CSF2RA: variants seen among roughly 807,000 people sequenced by gnomAD.
CSF2RA encodes colony stimulating factor 2 receptor subunit alpha.
A neutral mutation model predicts 51.6 loss-of-function variants in CSF2RA; 42 were observed. That is an observed-to-expected ratio of 0.81 (90% CI 0.64 to 1.05). CSF2RA has a LOEUF of 1.05. CSF2RA is among the 50% of genes least tolerant of loss of function. The pLI is 0.00. For synonymous variants in CSF2RA, 222 were observed against 193.0 expected (o/e 1.15, Z -1.24); for missense variants, 530 against 501.1 (o/e 1.06, Z -0.55).
chrX:1,298,926 C>G (rs1231952834), intron 9 of CSF2RA, among the ~76,000 whole-genome samples: 30 of 152,024 alleles, frequency 2.0e-4, no homozygotes, highest in African/African-American at 9.7e-5. Flanking sequence ...GCCCGACATA[C>G]AGTTGAACCA....
chrX:1,315,547 G>C, the CSF2RA span, among the ~76,000 whole-genome samples: 1 of 152,000 alleles, frequency 6.6e-6, no homozygotes, highest in African/African-American at 2.4e-5. Context: ...GAGATTACAC[G>C]TGTGCACCAC....
chrX:1,309,284 C>A, intron 12 of CSF2RA, 118 bp from the exon 13 acceptor site: 4 of 1,090,108 alleles, frequency 3.7e-6, no homozygotes, highest in South Asian at 2.6e-5. Context: ...CACTGCACTC[C>A]AGCCTGGGCA....
chrX:1,288,857 G>A lies in CSF2RA; in HGVS notation c.442G>A (p.Val148Ile), dbSNP rs201377602. 26 of 1,613,806 alleles carry A rather than the reference G, an allele frequency of 1.6e-5. No homozygotes were observed. Among genetic ancestry groups the A allele is most frequent in the African/African-American group, 9.3e-5 (7 of 75,014 alleles). Residue 148 changes from valine (V) to isoleucine (I), a missense_variant, in exon 6 of 13, where the codon GTC becomes ATC. Transcript: ENST00000381529. ...GAGGGGTCCGACGGCCCCCCGTGAC[G>A]TCCAGTATTTTTTGTACATACGAAA... ...WARGPTAPRD[V>I]QYFLYIRNSK...
At chrX:1,269,176 G>C (rs1456029948) in intron 1 of CSF2RA, among the ~76,000 whole-genome samples, 1 of 152,140 alleles carries the variant, frequency 6.6e-6, no homozygotes, top group Non-Finnish European at 1.5e-5. Flanking sequence ...CTGTGAAGCT[G>C]TTTGCTGGGA....
rs757001307 is a variant in CSF2RA at position 1,309,339 on chromosome X, A to G, written c.1126-63A>G. 808 of 1,491,290 alleles carry G rather than the reference A, an allele frequency of 5.4e-4. 3 individuals carry two copies. Among genetic ancestry groups the G allele is most frequent in the Non-Finnish European group, 6.9e-4 (734 of 1,068,404 alleles). The allele number at this position is 1,491,290 out of a possible 1,614,324, so 92.4% of individuals were successfully genotyped here. A position where few individuals can be genotyped will look rare whatever the true frequency, so the allele number is the denominator to read the frequency against. ...CGAGGGAGAAAAAGAAAATAAACAC[A>G]GCCCACTGAGTCCCAGGCTGAGCTC... On this transcript the variant is annotated intron_variant, in intron 12 of 12. Transcript: ENST00000381529.
the CSF2RA span, among the ~76,000 whole-genome samples, chrX:1,323,239 A>C: frequency 8.0e-5 from 12 of 150,860 alleles, no homozygotes; most frequent in South Asian, 1.9e-3. Flanking sequence ...ATGAACCGGG[A>C]GCGGTGGCTC....
At chrX:1,305,773 G>T in intron 12 of CSF2RA, 1 of 1,551,244 alleles carries the variant, frequency 6.4e-7, no homozygotes, top group Non-Finnish European at 8.7e-7. Flanking sequence ...TGGTGGTCAA[G>T]AAAAGGAGGA....
intron 7 of CSF2RA, among the ~76,000 whole-genome samples, chrX:1,291,304 TCCC>T (rs2091375258): frequency 7.8e-6 from 1 of 127,918 alleles, no homozygotes; most frequent in Non-Finnish European, 1.7e-5. Flanking sequence ...CTTCCTTCCC[TCCC>T]TCCCTCCTTT....
chrX:1,280,925 CCTTCTCCTCCTCCTCCTCCTG>C (rs2089879386), intron 2 of CSF2RA, among the ~76,000 whole-genome samples: 7 of 125,078 alleles, frequency 5.6e-5, no homozygotes, highest in Non-Finnish European at 6.8e-5. Context: ...TCCTCCTCCT[CCTTCTCCTCCTCCTCCTCCTG>C]CTTCTCCTCC....
At chrX:1,281,258 T>C (rs1195359409) in intron 2 of CSF2RA, among the ~76,000 whole-genome samples, 17 of 99,686 alleles carry the variant, frequency 1.7e-4, no homozygotes, top group South Asian at 4.0e-4. Context: ...TCTTCCTTCT[T>C]CTCCTCCTCC....
chrX:1,323,782 AGG>A, the CSF2RA span, among the ~76,000 whole-genome samples: 1 of 152,002 alleles, frequency 6.6e-6, no homozygotes, highest in East Asian at 1.9e-4. Flanking sequence ...TGGGAGGCAG[AGG>A]CGGGCAGATC....
At position 1,309,565 on chromosome X, in the gene CSF2RA, T is replaced by A; in HGVS notation, c.*86T>A. 1 of 1,613,958 alleles carries A rather than the reference T, an allele frequency of 6.2e-7. No homozygotes were observed. Among genetic ancestry groups the A allele is most frequent in the Non-Finnish European group, 8.5e-7 (1 of 1,179,864 alleles). On this transcript the variant is annotated 3_prime_UTR_variant, in exon 13 of 13. Coordinates refer to ENST00000381529, the MANE Select transcript of CSF2RA (RefSeq NM_172245.4). The stretch of plus-strand genomic sequence containing the variant: ...TTCTTGATGATGCTGTGAACCTTTA[T>A]ATCATTTTCTATGTTTTTATTTAAA...
chrX:1,315,854 A>G, the CSF2RA span, among the ~76,000 whole-genome samples: 3 of 148,140 alleles, frequency 2.0e-5, no homozygotes, highest in Admixed American at 6.9e-5. Context: ...ATGGATAGAT[A>G]GATGGATGAA....
At chrX:1,324,202 A>AG in the CSF2RA span, among the ~76,000 whole-genome samples, 1 of 149,944 alleles carries the variant, frequency 6.7e-6, no homozygotes, top group Non-Finnish European at 1.5e-5. Flanking sequence ...AAAAACAAAA[A>AG]CAAAACAGAG....
intron 1 of CSF2RA, among the ~76,000 whole-genome samples, chrX:1,269,643 AAAAGAGATG>A (rs1342970151): frequency 0.086 from 3,403 of 39,730 alleles, 140 homozygotes; most frequent in African/African-American, 0.2. Context: ...AAAAGAAAAA[AAAAGAGATG>A]AAAAGAGATG....
At chrX:1,325,099 G>T in the CSF2RA span, among the ~76,000 whole-genome samples, 1 of 151,456 alleles carries the variant, frequency 6.6e-6, no homozygotes, top group Non-Finnish European at 1.5e-5. Context: ...CGTGGCTCAC[G>T]CCTGTCATCC....
chrX:1,303,820 T>A, intron 10 of CSF2RA, 103 bp from the exon 11 acceptor site: 1 of 1,012,742 alleles, frequency 9.9e-7, no homozygotes, highest in Middle Eastern at 2.5e-4. Flanking sequence ...TCAGCTTGAC[T>A]GTTCCCTTTG....
At chrX:1,280,393 C>T (rs1365773114) in intron 2 of CSF2RA, among the ~76,000 whole-genome samples, 3 of 151,088 alleles carry the variant, frequency 2.0e-5, no homozygotes, top group African/African-American at 7.3e-5. Flanking sequence ...ATCGCTTGAA[C>T]CCGGGAGGCG....
At chrX:1,323,938 CG>C in the CSF2RA span, among the ~76,000 whole-genome samples, 2 of 151,574 alleles carry the variant, frequency 1.3e-5, no homozygotes, top group African/African-American at 4.9e-5. Flanking sequence ...GGCGTGAACC[CG>C]GGAGGCCGAG....
Sources: gnomAD v4.1 joint callset for allele counts (sites outside exome capture counted in the v4.1 genomes callset) on GRCh38, gnomAD v4.1.1 for gene constraint, MANE v1.5 for transcripts, NCBI Gene and HGNC (gene_info 2026-07-23, HGNC 2026-07-21) for gene names.